RAP1GDS1: variants seen among roughly 807,000 people sequenced by gnomAD.
The protein encoded by RAP1GDS1 is Rap1 GTPase-GDP dissociation stimulator 1.
In RAP1GDS1, 35 loss-of-function variants were observed where a neutral mutation model predicts 71.1. That is an observed-to-expected ratio of 0.49 (90% CI 0.38 to 0.65). The LOEUF is 0.65. Among genes scored for constraint, RAP1GDS1 ranks in the 30% least tolerant of loss-of-function variants. The pLI is 0.00. For synonymous variants in RAP1GDS1, 229 were observed against 243.1 expected (o/e 0.94, Z 0.54); for missense variants, 663 against 706.1 (o/e 0.94, Z 0.69).
chr4:98,266,513 G>A (rs1722733096), intron 1 of RAP1GDS1, among the ~76,000 whole-genome samples: 1 of 152,040 alleles, frequency 6.6e-6, no homozygotes, highest in East Asian at 1.9e-4. Flanking sequence ...GTATTTCCAA[G>A]TCCAGGAATG....
At chr4:98,327,356 A>T (rs1235492073) in intron 2 of RAP1GDS1, among the ~76,000 whole-genome samples, 1 of 152,226 alleles carries the variant, frequency 6.6e-6, no homozygotes, top group African/African-American at 2.4e-5. Context: ...TTGTTTTGAG[A>T]TAATTATCCT....
intron 2 of RAP1GDS1, among the ~76,000 whole-genome samples, chr4:98,295,943 T>G (rs1727672211): frequency 6.6e-6 from 1 of 152,054 alleles, no homozygotes; most frequent in South Asian, 2.1e-4. Context: ...CTTCCTTGAA[T>G]AAGGTGATTG....
chr4:98,351,502 A>G (rs913722104), intron 3 of RAP1GDS1, among the ~76,000 whole-genome samples: 1 of 152,150 alleles, frequency 6.6e-6, no homozygotes, highest in African/African-American at 2.4e-5. Context: ...CCATCTTGAT[A>G]GAGTGAAAAG....
chr4:98,417,013 T>A, intron 8 of RAP1GDS1, 125 bp downstream of exon 8: 2 of 1,100,922 alleles, frequency 1.8e-6, no homozygotes, highest in South Asian at 3.2e-5. Flanking sequence ...ATTGAGGTGA[T>A]GATTTTGACA....
intron 4 of RAP1GDS1, among the ~76,000 whole-genome samples, chr4:98,353,305 C>A (rs1205179089): frequency 6.6e-6 from 1 of 152,130 alleles, no homozygotes; most frequent in African/African-American, 2.4e-5. Flanking sequence ...AGCCAAAACA[C>A]GTATTTTATC....
At chr4:98,276,897 G>T (rs1293068528) in intron 1 of RAP1GDS1, among the ~76,000 whole-genome samples, 1 of 152,124 alleles carries the variant, frequency 6.6e-6, no homozygotes, top group Non-Finnish European at 1.5e-5. Flanking sequence ...GAAAAATATT[G>T]TGAGATCTGG....
At chr4:98,328,351 A>T (rs1034640572) in intron 2 of RAP1GDS1, among the ~76,000 whole-genome samples, 1 of 152,208 alleles carries the variant, frequency 6.6e-6, no homozygotes, top group Non-Finnish European at 1.5e-5. Flanking sequence ...GAGTCTTACT[A>T]TTATATAAAA....
intron 4 of RAP1GDS1, among the ~76,000 whole-genome samples, chr4:98,378,652 T>C (rs550523217): frequency 2.0e-5 from 3 of 152,094 alleles, no homozygotes; most frequent in East Asian, 1.9e-4. Flanking sequence ...CAAAAACTTA[T>C]ATCAATAGAA....
rs1406873675 is a variant in RAP1GDS1, at chr4:98,352,523, G to A, written c.283G>A (p.Val95Met). ...CVDAGLISPL[V>M]QLLNSKDQEV... is the part of the protein sequence containing the mutation. The stretch of plus-strand genomic sequence containing the variant: ...GGATGCTGGATTGATTTCACCACTG[G>A]TGCAGCTGCTAAATAGCAAAGACCA... The change falls in exon 4 of 15, where the codon GTG (valine) becomes ATG (methionine). Residue 95 changes from valine to methionine, a missense_variant. Transcript: ENST00000408927. 1 of 1,613,886 alleles carries A rather than the reference G, an allele frequency of 6.2e-7. No homozygotes were observed. The highest frequency in any genetic ancestry group is 8.5e-7 in the Non-Finnish European group (1 of 1,179,872).
At chr4:98,313,028 C>T (rs917929136) in intron 2 of RAP1GDS1, among the ~76,000 whole-genome samples, 7 of 139,316 alleles carry the variant, frequency 5.0e-5, no homozygotes, top group African/African-American at 1.9e-4. Flanking sequence ...GAGATCACAC[C>T]ACTGCACTCC....
intron 1 of RAP1GDS1, among the ~76,000 whole-genome samples, chr4:98,278,461 A>T (rs1014725447): frequency 6.6e-6 from 1 of 152,190 alleles, no homozygotes. Flanking sequence ...TTAAGAAGTT[A>T]ATTGTGAAAA....
chr4:98,270,728 T>C (rs1468427761), intron 1 of RAP1GDS1, among the ~76,000 whole-genome samples: 1 of 152,080 alleles, frequency 6.6e-6, no homozygotes, highest in Non-Finnish European at 1.5e-5. Context: ...GTGGATTTTT[T>C]TTTTTCAATA....
intron 1 of RAP1GDS1, among the ~76,000 whole-genome samples, chr4:98,262,326 A>G (rs1234103312): frequency 6.6e-6 from 1 of 152,222 alleles, no homozygotes; most frequent in East Asian, 1.9e-4. Flanking sequence ...CATGGTAGTT[A>G]TTCTTTCCCA....
intron 5 of RAP1GDS1, among the ~76,000 whole-genome samples, chr4:98,390,090 C>G (rs1308511133): frequency 6.6e-6 from 1 of 152,100 alleles, no homozygotes; most frequent in East Asian, 1.9e-4. Flanking sequence ...AATAAAAATA[C>G]TGCTAAAGAA....
intron 1 of RAP1GDS1, among the ~76,000 whole-genome samples, chr4:98,289,554 CAAAAA>C (rs6148589): frequency 4.9e-5 from 5 of 101,988 alleles, no homozygotes; most frequent in East Asian, 3.0e-4. Context: ...CTCTGGTAAA[CAAAAA>C]AAAAAAAAAA....
At chr4:98,374,156 A>G (rs567304580) in intron 4 of RAP1GDS1, among the ~76,000 whole-genome samples, 26 of 151,974 alleles carry the variant, frequency 1.7e-4, no homozygotes, top group African/African-American at 4.3e-4. Flanking sequence ...ACCATTTGCT[A>G]TTTTCTTTCC....
At chr4:98,434,106 T>G (rs1313284529) in intron 13 of RAP1GDS1, 44 bp downstream of exon 13, 19 of 1,598,626 alleles carry the variant, frequency 1.2e-5, no homozygotes, top group Non-Finnish European at 1.5e-5. Context: ...ATTTTTATCT[T>G]GGATGAAAGG....
chr4:98,318,583 T>C (rs1394189046), intron 2 of RAP1GDS1, among the ~76,000 whole-genome samples: 1 of 152,180 alleles, frequency 6.6e-6, no homozygotes, highest in African/African-American at 2.4e-5. Context: ...ATGAATAATG[T>C]AGGCATTGTG....
chr4:98,432,335 A>G (rs1183799972), intron 12 of RAP1GDS1, among the ~76,000 whole-genome samples: 3 of 152,200 alleles, frequency 2.0e-5, no homozygotes, highest in African/African-American at 7.2e-5. Context: ...AAATGATTGC[A>G]TATGTATCTG....
Sources: gnomAD v4.1 joint callset for allele counts (sites outside exome capture counted in the v4.1 genomes callset) on GRCh38, gnomAD v4.1.1 for gene constraint, MANE v1.5 for transcripts, NCBI Gene and HGNC (gene_info 2026-07-23, HGNC 2026-07-21) for gene names.